FOXJ3: variants seen among roughly 807,000 people sequenced by gnomAD.
FOXJ3 encodes forkhead box J3, also known as forkhead box protein J3.
A neutral mutation model predicts 76.1 loss-of-function variants in FOXJ3; 22 were observed. The observed-to-expected ratio is 0.29, with a 90% confidence interval of 0.21 to 0.41. The LOEUF is 0.41. Ranked by LOEUF, FOXJ3 falls within the 10% of genes least tolerant of loss-of-function variation. FOXJ3 has a pLI of 1.00. For synonymous variants in FOXJ3, 269 were observed against 261.2 expected, an observed-to-expected ratio of 1.03 and a Z score of -0.29; for missense variants, 613 against 762.1, an observed-to-expected ratio of 0.80 and a Z score of 2.30.
chr1:42,273,614 G>C (rs933301984), intron 3 of FOXJ3, among the ~76,000 whole-genome samples: 2 of 143,580 alleles, frequency 1.4e-5, no homozygotes, highest in South Asian at 4.3e-4. Flanking sequence ...GGTAGAGCTT[G>C]CAGTGAGCCG....
At chr1:42,227,000 T>A (rs1189975022) in intron 5 of FOXJ3, among the ~76,000 whole-genome samples, 1 of 152,272 alleles carries the variant, frequency 6.6e-6, no homozygotes, top group Non-Finnish European at 1.5e-5. Context: ...GTATCTATTA[T>A]AAGCTGTGAA....
At chr1:42,283,396 A>G (rs1357507808) in intron 2 of FOXJ3, among the ~76,000 whole-genome samples, 2 of 152,180 alleles carry the variant, frequency 1.3e-5, no homozygotes, top group Non-Finnish European at 2.9e-5. Context: ...GGACACTCAT[A>G]TGATCCCATG....
chr1:42,273,106 TTAC>T (rs780727041), intron 3 of FOXJ3, among the ~76,000 whole-genome samples: 3 of 152,218 alleles, frequency 2.0e-5, no homozygotes, highest in Admixed American at 6.5e-5. Flanking sequence ...TTAACACTTT[TTAC>T]TACGTCACAT....
chr1:42,191,407 T>C lies in FOXJ3; in HGVS notation c.1247A>G (p.Gln416Arg). The change falls in exon 9 of 13, where the codon CAG (glutamine) becomes CGG (arginine). Residue 416 changes from glutamine (Q) to arginine (R), a missense_variant. Coordinates refer to ENST00000361346, the MANE Select transcript of FOXJ3 (RefSeq NM_014947.5). Reference sequence around the variant, plus strand: ...TATGTGTTGATGTGGAGAGGGATGCTGGGGGTGAGGGGACTGGAGCTGGCT... The same window carrying C: ...TATGTGTTGATGTGGAGAGGGATGCCGGGGGTGAGGGGACTGGAGCTGGCT... ...QHSQLQSPHPQHPSPHQHIQH... is the reference protein window; with the variant it reads ...QHSQLQSPHPRHPSPHQHIQH... 2 of 1,609,304 alleles carry C rather than the reference T, an allele frequency of 1.2e-6. No homozygotes were observed. The highest frequency in any genetic ancestry group is 8.5e-7 in the Non-Finnish European group (1 of 1,176,038).
chr1:42,185,138 A>T (rs1646408831), intron 11 of FOXJ3, among the ~76,000 whole-genome samples: 1 of 152,082 alleles, frequency 6.6e-6, no homozygotes, highest in Non-Finnish European at 1.5e-5. Flanking sequence ...GTCCAGCTTA[A>T]ATATGCTGTC....
At chr1:42,303,634 T>C (rs1486610294) in intron 2 of FOXJ3, among the ~76,000 whole-genome samples, 1 of 152,138 alleles carries the variant, frequency 6.6e-6, no homozygotes, top group African/African-American at 2.4e-5. Context: ...AGATCAATAA[T>C]AAAAGGCATC....
chr1:42,245,234 G>A (rs1038182243), intron 4 of FOXJ3, among the ~76,000 whole-genome samples: 14 of 150,022 alleles, frequency 9.3e-5, no homozygotes, highest in African/African-American at 1.7e-4. Context: ...CTTCACTGCC[G>A]AATTCTGCCA....
intron 4 of FOXJ3, among the ~76,000 whole-genome samples, chr1:42,228,566 CA>C (rs10640179): frequency 1.2e-4 from 15 of 130,226 alleles, no homozygotes; most frequent in East Asian, 4.3e-4. Context: ...TGTGACTCTC[CA>C]AAAAAAAAAA....
chr1:42,304,812 T>G (rs1654359762), intron 2 of FOXJ3, among the ~76,000 whole-genome samples: 1 of 152,114 alleles, frequency 6.6e-6, no homozygotes, highest in Non-Finnish European at 1.5e-5. Context: ...TTGGGGAAAC[T>G]ATCCAGGATG....
chr1:42,268,646 G>C (rs1376923925), intron 3 of FOXJ3, among the ~76,000 whole-genome samples: 1 of 152,010 alleles, frequency 6.6e-6, no homozygotes, highest in South Asian at 2.1e-4. Context: ...GACAACAATA[G>C]CAAAAAGGAT....
Position 42,198,239 on chromosome 1 carries a change from A to T in FOXJ3, c.759+863T>A, listed in dbSNP as rs573366845. On this transcript the variant is annotated intron_variant, in intron 7 of 12. Coordinates refer to ENST00000361346, the MANE Select transcript of FOXJ3 (RefSeq NM_014947.5). ...CATTTTCTTTCTTCTCCATTGTGGG[A>T]TAATACTTTATTTTTTTTTACAGAG... 1.1e-4 allele frequency among the ~76,000 whole-genome samples: 17 copies of T among 152,024 alleles called. No homozygotes were observed. The East Asian group carries it at 3.3e-3, about 29-fold the overall frequency.
chr1:42,303,557 C>T (rs1318276361), intron 2 of FOXJ3, among the ~76,000 whole-genome samples: 2 of 152,148 alleles, frequency 1.3e-5, no homozygotes, highest in African/African-American at 2.4e-5. Context: ...AACAGACGAA[C>T]GGGAAATTCA....
At chr1:42,194,209 A>C (rs193241935) in intron 8 of FOXJ3, among the ~76,000 whole-genome samples, 1 of 152,350 alleles carries the variant, frequency 6.6e-6, no homozygotes, top group East Asian at 1.9e-4. Context: ...TAGAGTTCCC[A>C]ACAATTTCTG....
At chr1:42,248,835 C>T (rs1311977096) in intron 4 of FOXJ3, among the ~76,000 whole-genome samples, 1 of 141,574 alleles carries the variant, frequency 7.1e-6, no homozygotes, top group African/African-American at 2.6e-5. Context: ...CTGCACCTAA[C>T]AATCCGTCAC....
At chr1:42,335,385 T>G (rs904494560), upstream of FOXJ3, 1 of 152,216 alleles carries the variant, frequency 6.6e-6, no homozygotes, top group Non-Finnish European at 1.5e-5. Context: ...AGTAGTGCCC[T>G]GAGACTCCCG....
At position 42,204,184 on chromosome 1, in the gene FOXJ3, T is replaced by C. The variant is rs148334677; in HGVS notation, c.630+1578A>G. Among the ~76,000 whole-genome samples the C allele has an allele frequency of 4.6e-3, 706 of 152,116 alleles. 6 individuals carry two copies. Among genetic ancestry groups the C allele is most frequent in the African/African-American group, 0.016 (659 of 41,498 alleles). On this transcript the variant is annotated intron_variant, in intron 6 of 12. Transcript: ENST00000361346. ...TCGGGAAATGCACCAAAGGAAAATATACAAAGCTTATCTCAATGTGTTTAA... is the reference window on the plus strand; with the variant it reads ...TCGGGAAATGCACCAAAGGAAAATACACAAAGCTTATCTCAATGTGTTTAA...
intron 11 of FOXJ3, among the ~76,000 whole-genome samples, chr1:42,187,060 C>T (rs1202456403): frequency 1.3e-5 from 2 of 152,028 alleles, no homozygotes; most frequent in Non-Finnish European, 1.5e-5. Flanking sequence ...GTTGGCCAGG[C>T]TGGTCTCGAA....
intron 3 of FOXJ3, among the ~76,000 whole-genome samples, chr1:42,269,692 T>A (rs1418423895): frequency 4.6e-5 from 7 of 152,190 alleles, no homozygotes; most frequent in African/African-American, 1.7e-4. Context: ...CTTCTCAGTT[T>A]AAAGACATTA....
chr1:42,231,355 C>T (rs1260202887), intron 4 of FOXJ3, among the ~76,000 whole-genome samples: 1 of 151,676 alleles, frequency 6.6e-6, no homozygotes, highest in Non-Finnish European at 1.5e-5. Flanking sequence ...ACAAAAAAAA[C>T]GAGGGATACT....
Sources: gnomAD v4.1 joint callset for allele counts (sites outside exome capture counted in the v4.1 genomes callset) on GRCh38, gnomAD v4.1.1 for gene constraint, MANE v1.5 for transcripts, NCBI Gene and HGNC (gene_info 2026-07-23, HGNC 2026-07-21) for gene names.